PAK5: variants seen among roughly 807,000 people sequenced by gnomAD.
PAK5 encodes serine/threonine-protein kinase PAK 5.
A neutral mutation model predicts 65.9 loss-of-function variants in PAK5; 16 were observed. That is an observed-to-expected ratio of 0.24 (90% CI 0.16 to 0.37). The LOEUF (loss-of-function observed/expected upper bound fraction) is 0.37, where lower values mean the gene tolerates loss of function less well. Among genes scored for constraint, PAK5 ranks in the 10% least tolerant of loss-of-function variants. The pLI, the probability that PAK5 is intolerant of heterozygous loss-of-function variation, is 1.00. For missense variants in PAK5, 785 were observed against 903.9 expected, an observed-to-expected ratio of 0.87 and a Z score of 1.69; for synonymous variants, 371 against 354.9, an observed-to-expected ratio of 1.05 and a Z score of -0.51.
intron 1 of PAK5, among the ~76,000 whole-genome samples, chr20:9,820,991 G>A (rs1312913437): frequency 6.6e-6 from 1 of 152,164 alleles, no homozygotes; most frequent in African/African-American, 2.4e-5. Flanking sequence ...TATTCTTTTA[G>A]GAACACCAGA....
chr20:9,585,857 A>AAAGCATG (rs1435676852), intron 3 of PAK5, among the ~76,000 whole-genome samples: 1 of 152,240 alleles, frequency 6.6e-6, no homozygotes. Context: ...AAGGCTAAGA[A>AAAGCATG]AAGCATGAAG....
At chr20:9,688,323 A>T (rs931463185) in intron 2 of PAK5, among the ~76,000 whole-genome samples, 9 of 152,052 alleles carry the variant, frequency 5.9e-5, no homozygotes, top group African/African-American at 2.2e-4. Flanking sequence ...AACACCACGC[A>T]CTTTGTGTTA....
intron 2 of PAK5, among the ~76,000 whole-genome samples, chr20:9,681,673 T>G (rs2047651793): frequency 6.6e-6 from 1 of 152,226 alleles, no homozygotes; most frequent in South Asian, 2.1e-4. Context: ...ATTTGCTTCA[T>G]ACTATCTTTT....
At chr20:9,597,049 T>A (rs1197384351) in intron 3 of PAK5, among the ~76,000 whole-genome samples, 1 of 152,196 alleles carries the variant, frequency 6.6e-6, no homozygotes, top group African/African-American at 2.4e-5. Flanking sequence ...GGTTTACATA[T>A]TCCAGGGAAA....
intron 2 of PAK5, among the ~76,000 whole-genome samples, chr20:9,694,618 T>G (rs1183573826): frequency 2.0e-5 from 3 of 152,038 alleles, no homozygotes; most frequent in African/African-American, 4.8e-5. Flanking sequence ...GATTGATTGG[T>G]CTGCTTGATT....
chr20:9,804,120 GC>G (rs1189166260), intron 1 of PAK5, among the ~76,000 whole-genome samples: 1 of 152,114 alleles, frequency 6.6e-6, no homozygotes, highest in Non-Finnish European at 1.5e-5. Context: ...AGAATCTCAG[GC>G]CCTAATTCAG....
chr20:9,728,369 A>C (rs2048299507), intron 1 of PAK5, among the ~76,000 whole-genome samples: 1 of 152,164 alleles, frequency 6.6e-6, no homozygotes, highest in Non-Finnish European at 1.5e-5. Flanking sequence ...CTAAAATAAG[A>C]GGTGCGCTGT....
At chr20:9,789,939 G>T (rs181173284) in intron 1 of PAK5, among the ~76,000 whole-genome samples, 42 of 152,220 alleles carry the variant, frequency 2.8e-4, no homozygotes, top group African/African-American at 9.9e-4. Context: ...TGCTGATGCA[G>T]GTCAGGAAAG....
intron 1 of PAK5, among the ~76,000 whole-genome samples, chr20:9,738,718 A>G (rs2048418647): frequency 1.3e-5 from 2 of 152,194 alleles, no homozygotes. Flanking sequence ...ATAAAACTTC[A>G]GAGTGATGGA....
intron 3 of PAK5, among the ~76,000 whole-genome samples, chr20:9,622,737 A>ATCTAATGCCT (rs2046788345): frequency 2.0e-5 from 3 of 152,194 alleles, no homozygotes; most frequent in Non-Finnish European, 4.4e-5. Flanking sequence ...GCTCCTTATG[A>ATCTAATGCCT]GAATCTAATG....
At chr20:9,699,078 C>A (rs182337286) in intron 2 of PAK5, among the ~76,000 whole-genome samples, 1 of 152,088 alleles carries the variant, frequency 6.6e-6, no homozygotes. Flanking sequence ...CCTTAAAGAA[C>A]GGTCACAATG....
chr20:9,616,234 A>C (rs2046653056), intron 3 of PAK5, among the ~76,000 whole-genome samples: 1 of 152,250 alleles, frequency 6.6e-6, no homozygotes, highest in East Asian at 1.9e-4. Context: ...GATGTCAAAT[A>C]CAGTACACAT....
intron 7 of PAK5, among the ~76,000 whole-genome samples, chr20:9,551,352 G>A (rs534668601): frequency 2.2e-4 from 34 of 152,288 alleles, no homozygotes; most frequent in Admixed American, 2.2e-3. Flanking sequence ...CCACTAGTAT[G>A]TTGTCCGCCC....
At chr20:9,766,413 ATATG>A (rs200409098) in intron 1 of PAK5, among the ~76,000 whole-genome samples, 13,667 of 41,158 alleles carry the variant, frequency 0.33, 4,038 homozygotes, top group African/African-American at 0.44. Context: ...AGCAGAATAT[ATATG>A]TATATATATA....
intron 3 of PAK5, among the ~76,000 whole-genome samples, chr20:9,639,214 T>C (rs1448495112): frequency 2.6e-5 from 4 of 152,196 alleles, no homozygotes; most frequent in African/African-American, 9.7e-5. Flanking sequence ...TCATACAAAC[T>C]ATATAACATA....
intron 3 of PAK5, among the ~76,000 whole-genome samples, chr20:9,626,413 C>T (rs575978049): frequency 8.3e-4 from 127 of 152,308 alleles, no homozygotes; most frequent in African/African-American, 3.0e-3. Flanking sequence ...AAGGCAACAA[C>T]GATATTTAAC....
intron 3 of PAK5, among the ~76,000 whole-genome samples, chr20:9,591,691 G>A (rs2046174033): frequency 6.6e-6 from 1 of 151,810 alleles, no homozygotes; most frequent in Non-Finnish European, 1.5e-5. Context: ...TCAACCAACT[G>A]ATTAAATTAT....
intron 2 of PAK5, among the ~76,000 whole-genome samples, chr20:9,676,595 T>C (rs1490904041): frequency 2.0e-5 from 3 of 152,158 alleles, no homozygotes; most frequent in Non-Finnish European, 4.4e-5. Flanking sequence ...GGAAGTGAGA[T>C]AGAGGGAGAA....
At chr20:9,768,348 G>A (rs1449142643) in intron 1 of PAK5, among the ~76,000 whole-genome samples, 1 of 152,056 alleles carries the variant, frequency 6.6e-6, no homozygotes, top group African/African-American at 2.4e-5. Flanking sequence ...GACTATAGAT[G>A]GGGGAGGGAG....
Sources: allele counts gnomAD v4.1 joint callset (sites outside exome capture counted in the v4.1 genomes callset), GRCh38; gene constraint gnomAD v4.1.1; transcripts MANE v1.5; gene names NCBI Gene and HGNC (gene_info 2026-07-23, HGNC 2026-07-21).